Variants in YTHDC2 observed in about 807,000 individuals in gnomAD.
The protein encoded by YTHDC2 is YTH N6-methyladenosine RNA binding protein C2, also known as 3'-5' RNA helicase YTHDC2.
A neutral mutation model predicts 174.9 loss-of-function variants in YTHDC2; 45 were observed. The ratio of observed to expected loss-of-function variants is 0.26; its 90% CI spans 0.20 to 0.33. YTHDC2 has a LOEUF of 0.33. Among genes scored for constraint, YTHDC2 ranks in the 10% least tolerant of loss-of-function variants. The pLI is 1.00. For synonymous variants in YTHDC2, 657 were observed against 574.5 expected, an observed-to-expected ratio of 1.14 and a Z score of -2.05; for missense variants, 1,650 against 1,723.7, an observed-to-expected ratio of 0.96 and a Z score of 0.76.
intron 23 of YTHDC2, among the ~76,000 whole-genome samples, chr5:113,574,986 C>G (rs956046659): frequency 1.3e-5 from 2 of 152,172 alleles, no homozygotes; most frequent in Non-Finnish European, 2.9e-5. Context: ...GTGAGGGTTC[C>G]TTTTGCTCTG....
chr5:113,559,653 A>G (rs1776832281), intron 17 of YTHDC2, among the ~76,000 whole-genome samples: 1 of 152,238 alleles, frequency 6.6e-6, no homozygotes. Context: ...ATTCTGACTG[A>G]AAAATTAAAA....
chr5:113,560,989 C>T, intron 17 of YTHDC2, 91 bp from the exon 18 acceptor site: 3 of 1,070,194 alleles, frequency 2.8e-6, no homozygotes, highest in Non-Finnish European at 3.9e-6. Flanking sequence ...GATCCTGGAT[C>T]ATTTTTCTCT....
intron 6 of YTHDC2, among the ~76,000 whole-genome samples, chr5:113,534,688 A>G (rs1246137517): frequency 6.6e-6 from 1 of 152,134 alleles, no homozygotes; most frequent in African/African-American, 2.4e-5. Flanking sequence ...TGCTTTTCAT[A>G]TATGAAAATG....
chr5:113,558,649 G>A (rs748245150), intron 17 of YTHDC2, among the ~76,000 whole-genome samples: 4 of 152,040 alleles, frequency 2.6e-5, no homozygotes, highest in Non-Finnish European at 5.9e-5. Flanking sequence ...GTTATTTTGA[G>A]TTTGAGTTGC....
intron 24 of YTHDC2, chr5:113,579,912 C>G: frequency 2.0e-6 from 2 of 985,072 alleles, no homozygotes; most frequent in Non-Finnish European, 2.4e-6. Context: ...ATTATTTAAG[C>G]AAGGTAATTG....
Position 113,567,710 on chromosome 5 carries a change from T to C in YTHDC2, c.3105T>C (p.Leu1035=). The C allele has an allele frequency of 1.9e-6, 3 of 1,609,758 alleles. No homozygotes were observed. Among genetic ancestry groups the C allele is most frequent in the Non-Finnish European group, 2.5e-6 (3 of 1,178,216 alleles). Residue 1035 remains leucine (L), a synonymous_variant, in exon 23 of 30, where the codon CTT becomes CTC. Transcript: ENST00000161863. The stretch of plus-strand genomic sequence containing the variant: ...TTAAGGCACTGCCCACAGATTGGCT[T>C]ATTTATGATGAAATGACCAGAGCCC... The part of the protein sequence containing the change: ...AAIKALPTDW[L]IYDEMTRAHR...
chr5:113,554,079 A>G lies in YTHDC2; in HGVS notation c.2133+57A>G, dbSNP rs549138194. 150 of 1,322,576 alleles carry G rather than the reference A, an allele frequency of 1.1e-4. No homozygotes were observed. In the African/African-American group the frequency reaches 1.9e-3, roughly 17 times the overall value. 81.9% of individuals were successfully genotyped at this position (1,322,576 alleles called of 1,614,324 possible). On this transcript the variant is annotated intron_variant, in intron 16 of 29. Transcript: ENST00000161863. ...ATGAAGAAGATTAAGTTCTACTTCA[A>G]CAAATACTTTTATTTATTATTTAGT...
chr5:113,519,852 TA>T (rs1206665648), intron 2 of YTHDC2, among the ~76,000 whole-genome samples: 4 of 152,238 alleles, frequency 2.6e-5, no homozygotes, highest in African/African-American at 9.6e-5. Flanking sequence ...AGAGGTAATT[TA>T]AATCAAAGAG....
chr5:113,536,529 A>T (rs1003830061), intron 7 of YTHDC2, among the ~76,000 whole-genome samples: 6 of 152,340 alleles, frequency 3.9e-5, no homozygotes, highest in Middle Eastern at 3.4e-3. Context: ...CGTCTCAAAA[A>T]AAATAAATAA....
chr5:113,537,265 C>T (rs952048835), intron 7 of YTHDC2, among the ~76,000 whole-genome samples: 7 of 151,422 alleles, frequency 4.6e-5, no homozygotes, highest in Non-Finnish European at 7.4e-5. Flanking sequence ...TTACCGGTGT[C>T]GTTTGACATT....
chr5:113,531,057 G>T (rs1020939642), intron 4 of YTHDC2, among the ~76,000 whole-genome samples: 1 of 151,998 alleles, frequency 6.6e-6, no homozygotes, highest in Non-Finnish European at 1.5e-5. Context: ...TTCTTACCTT[G>T]GCTCCTTTGT....
intron 23 of YTHDC2, among the ~76,000 whole-genome samples, chr5:113,576,418 TCATC>T (rs1347823800): frequency 6.6e-6 from 1 of 152,170 alleles, no homozygotes; most frequent in Non-Finnish European, 1.5e-5. Flanking sequence ...ATTGACATCT[TCATC>T]AGTGTGTCCT....
chr5:113,561,957 G>GGTGTGTGTGTGGGT (rs1777010116), intron 18 of YTHDC2, among the ~76,000 whole-genome samples: 1 of 134,872 alleles, frequency 7.4e-6, no homozygotes, highest in Non-Finnish European at 1.6e-5. Context: ...ATTAATTGTG[G>GGTGTGTGTGTGGGT]GTGTGTGTGT....
chr5:113,515,256 T>G lies in YTHDC2; in HGVS notation c.188-16T>G. 1 of 1,587,348 alleles carries G rather than the reference T, an allele frequency of 6.3e-7. No homozygotes were observed. Among genetic ancestry groups the G allele is most frequent in the African/African-American group, 1.4e-5 (1 of 73,634 alleles). Reference sequence around the variant, plus strand: ...CCTATCTACAAATTTTACTACTTTGTTTTTTTTCCGTGTAGAAATGGAATT... The same window carrying G: ...CCTATCTACAAATTTTACTACTTTGGTTTTTTTCCGTGTAGAAATGGAATT... On this transcript the variant is annotated splice_polypyrimidine_tract_variant and intron_variant, in intron 1 of 29. Transcript: ENST00000161863.
intron 17 of YTHDC2, among the ~76,000 whole-genome samples, chr5:113,556,631 A>G (rs1454679188): frequency 6.6e-6 from 1 of 152,234 alleles, no homozygotes; most frequent in African/African-American, 2.4e-5. Flanking sequence ...GGCATTGATG[A>G]AAATGTTTAA....
chr5:113,539,068 A>G lies in YTHDC2; in HGVS notation c.1103-6A>G. ...GTTGAGTATTTAATTTTTTTTTATT[A>G]TTTAGTACAGGGAAGACCATTTGAA... On this transcript the variant is annotated splice_region_variant and splice_polypyrimidine_tract_variant and intron_variant, in intron 7 of 29. Transcript: ENST00000161863. The G allele has an allele frequency of 1.5e-6, 2 of 1,319,402 alleles. No homozygotes were observed. The highest frequency in any genetic ancestry group is 2.0e-6 in the Non-Finnish European group (2 of 978,496). 81.7% of individuals were successfully genotyped at this position (1,319,402 alleles called of 1,614,324 possible).
intron 23 of YTHDC2, among the ~76,000 whole-genome samples, chr5:113,569,396 T>G (rs1777569523): frequency 6.6e-6 from 1 of 152,344 alleles, no homozygotes; most frequent in South Asian, 2.1e-4. Flanking sequence ...GCTTTTGGCG[T>G]TTTTATCATG....
chr5:113,571,116 T>C (rs938049363), intron 23 of YTHDC2, among the ~76,000 whole-genome samples: 1 of 152,232 alleles, frequency 6.6e-6, no homozygotes, highest in Non-Finnish European at 1.5e-5. Context: ...GGCTGTGGGT[T>C]TGTCATAAAT....
intron 17 of YTHDC2, among the ~76,000 whole-genome samples, chr5:113,560,815 T>C (rs1219477240): frequency 1.3e-5 from 2 of 152,206 alleles, no homozygotes; most frequent in Non-Finnish European, 2.9e-5. Flanking sequence ...TTTATATGTA[T>C]GCTATTTCTT....
Sources: gnomAD v4.1 joint callset for allele counts (sites outside exome capture counted in the v4.1 genomes callset) on GRCh38, gnomAD v4.1.1 for gene constraint, MANE v1.5 for transcripts, NCBI Gene and HGNC (gene_info 2026-07-23, HGNC 2026-07-21) for gene names.